Variants in C17orf99 observed in about 807,000 individuals in gnomAD.
C17orf99 encodes the protein chromosome 17 open reading frame 99.
In C17orf99, 18 loss-of-function variants were observed where a neutral mutation model predicts 22.6. The ratio of observed to expected loss-of-function variants is 0.80; its 90% CI spans 0.55 to 1.18. The LOEUF (loss-of-function observed/expected upper bound fraction) is 1.18, where lower values mean the gene tolerates loss of function less well. C17orf99 is among the 50% of genes most tolerant of loss of function. The pLI is 0.00. For synonymous variants in C17orf99, 147 were observed against 136.6 expected (o/e 1.08, Z -0.53); for missense variants, 328 against 342.7 (o/e 0.96, Z 0.34).
At chr17:78,164,830 G>C (rs2075606291) in intron 4 of C17orf99, 1 of 1,211,862 alleles carries the variant, frequency 8.3e-7, no homozygotes, top group Non-Finnish European at 1.0e-6. Flanking sequence ...GTGTTTATGA[G>C]GACCTACTGT....
In C17orf99 at chr17:78,165,247, G is replaced by A. The variant is rs141653984; in HGVS notation, c.641-642G>A. 1.1e-4 allele frequency: 113 copies of A among 988,340 alleles called. No individual in the cohort carries two copies. In the East Asian group the frequency reaches 0.011, roughly 99 times the overall value. 61.2% of individuals were successfully genotyped at this position (988,340 alleles called of 1,614,324 possible). A position where few individuals can be genotyped will look rare whatever the true frequency, so the allele number is the denominator to read the frequency against. ...TGTGAACTCATCTCTCTTTGTTTGG[G>A]AGACACTGCCGTGTCCTGGTTCTCA... On this transcript the variant is annotated intron_variant, in intron 4 of 4. Coordinates refer to ENST00000340363, the MANE Select transcript of C17orf99 (RefSeq NM_001163075.2).
intron 2 of C17orf99, among the ~76,000 whole-genome samples, chr17:78,148,932 T>C (rs2075456488): frequency 6.6e-6 from 1 of 151,962 alleles, no homozygotes; most frequent in South Asian, 2.1e-4. Flanking sequence ...GAGGAGAGAC[T>C]GGGCAATGCG....
intron 2 of C17orf99, chr17:78,160,006 G>C: frequency 2.2e-6 from 1 of 449,164 alleles, no homozygotes; most frequent in Non-Finnish European, 4.5e-6. Context: ...TTTGGCTGTG[G>C]TGAATCACGC....
chr17:78,154,839 C>A (rs771667860), intron 2 of C17orf99, among the ~76,000 whole-genome samples: 1 of 151,614 alleles, frequency 6.6e-6, no homozygotes, highest in Non-Finnish European at 1.5e-5. Context: ...GAGACTCCAT[C>A]TCAAAAATAA....
chr17:78,157,188 G>T (rs1323595919), intron 2 of C17orf99, among the ~76,000 whole-genome samples: 1 of 151,914 alleles, frequency 6.6e-6, no homozygotes, highest in Admixed American at 6.6e-5. Context: ...AACTTAGGCC[G>T]GGCACGGTGG....
chr17:78,151,123 A>G (rs2075479069), intron 2 of C17orf99, among the ~76,000 whole-genome samples: 1 of 150,396 alleles, frequency 6.6e-6, no homozygotes, highest in African/African-American at 2.5e-5. Flanking sequence ...ACTCTGTCTC[A>G]CAAAAACAAA....
intron 2 of C17orf99, among the ~76,000 whole-genome samples, chr17:78,159,327 A>G (rs185179313): frequency 3.0e-4 from 45 of 151,562 alleles, no homozygotes; most frequent in African/African-American, 1.0e-3. Context: ...ACAGAGCAAG[A>G]CTCTGTCTTT....
rs1414932585 is a variant in C17orf99 at position 78,166,286 on chromosome 17, T to C, written c.*240T>C. The C allele has an allele frequency of 3.0e-6, 1 of 329,064 alleles. No homozygotes were observed. Among genetic ancestry groups the C allele is most frequent in the Non-Finnish European group, 5.4e-6 (1 of 183,772 alleles). The allele number at this position is 329,064 out of a possible 1,614,324, so 20.4% of individuals were successfully genotyped here. ...ATCATATCAGGTTGTCTACCTTAAA[T>C]ATACACAAAAACATTTATTTAAAAA... On this transcript the variant is annotated 3_prime_UTR_variant, in exon 5 of 5. Coordinates refer to ENST00000340363, the MANE Select transcript of C17orf99 (RefSeq NM_001163075.2).
At chr17:78,152,987 C>T (rs558805859) in intron 2 of C17orf99, among the ~76,000 whole-genome samples, 3 of 151,440 alleles carry the variant, frequency 2.0e-5, no homozygotes, top group African/African-American at 4.9e-5. Flanking sequence ...GAGGGTGAGG[C>T]GGAGAATCAC....
chr17:78,148,621 CA>C (rs1315932025), intron 2 of C17orf99, among the ~76,000 whole-genome samples: 1 of 152,078 alleles, frequency 6.6e-6, no homozygotes, highest in Non-Finnish European at 1.5e-5. Context: ...GCAGCATTTG[CA>C]GGGGAGGGTG....
chr17:78,149,378 C>T (rs570753922), intron 2 of C17orf99, among the ~76,000 whole-genome samples: 1 of 149,374 alleles, frequency 6.7e-6, no homozygotes, highest in South Asian at 2.1e-4. Context: ...AGTCCTTGGC[C>T]CATCTGGAAG....
chr17:78,162,011 C>T (rs570235277), intron 3 of C17orf99, among the ~76,000 whole-genome samples: 15 of 152,010 alleles, frequency 9.9e-5, no homozygotes, highest in South Asian at 6.2e-4. Flanking sequence ...TGTGGTGGCT[C>T]ACGCCTATAA....
intron 2 of C17orf99, among the ~76,000 whole-genome samples, chr17:78,158,372 A>G (rs538873808): frequency 6.6e-6 from 1 of 151,472 alleles, no homozygotes; most frequent in African/African-American, 2.4e-5. Context: ...TCGGCTCACT[A>G]CAAGCTCCAC....
At position 78,146,710 on chromosome 17, in the gene C17orf99, A is replaced by G; in HGVS notation, c.38-169A>G. ...GGATGAGAGGCGATGTTGTGGGGGGAGGGGCGCAAAAGAGCTTTTGTGAGT... is the reference window on the plus strand; with the variant it reads ...GGATGAGAGGCGATGTTGTGGGGGGGGGGGCGCAAAAGAGCTTTTGTGAGT... On this transcript the variant is annotated intron_variant, in intron 1 of 4. Coordinates refer to ENST00000340363, the MANE Select transcript of C17orf99 (RefSeq NM_001163075.2). The surrounding 1 kb of genome is among the most constrained non-coding windows in gnomAD (Gnocchi z 5.2). 7.4e-6 allele frequency: 5 copies of G among 679,108 alleles called. No individual in the cohort carries two copies. The highest frequency in any genetic ancestry group is 5.1e-5 in the Admixed American group (2 of 39,268). 42.1% of individuals were successfully genotyped at this position (679,108 alleles called of 1,614,324 possible).
At position 78,146,942 on chromosome 17, in the gene C17orf99, TC is replaced by T; in HGVS notation, c.70+36del. The T allele has an allele frequency of 6.5e-7, 1 of 1,547,520 alleles. No individual in the cohort carries two copies. The highest frequency in any genetic ancestry group is 2.4e-5 in the East Asian group (1 of 40,858). On this transcript the variant is annotated intron_variant, in intron 2 of 4. Coordinates refer to ENST00000340363, the MANE Select transcript of C17orf99 (RefSeq NM_001163075.2). This position sits in a 1 kb window ranked among gnomAD's most constrained non-coding sequence, Gnocchi z 5.2. ...TGGCATAGCCTGCTGCAGGGAGAAG[TC>T]CCCCAGCTGGGACCCTGGTGTCAGA...
chr17:78,150,491 A>G (rs1480715469), intron 2 of C17orf99, among the ~76,000 whole-genome samples: 1 of 152,202 alleles, frequency 6.6e-6, no homozygotes, highest in Non-Finnish European at 1.5e-5. Context: ...TAAGCATGGT[A>G]GGAACCATGG....
At chr17:78,158,054 G>A in intron 2 of C17orf99, 1 of 1,321,714 alleles carries the variant, frequency 7.6e-7, no homozygotes, top group South Asian at 1.2e-5. Flanking sequence ...ACTGCTCCAG[G>A]ACAGCATGGA....
intron 2 of C17orf99, among the ~76,000 whole-genome samples, chr17:78,153,775 G>A (rs2075503880): frequency 6.6e-6 from 1 of 152,076 alleles, no homozygotes; most frequent in South Asian, 2.1e-4. Context: ...GGCCCTGAGG[G>A]TCAAATTGAC....
At chr17:78,155,236 C>A (rs1298228865) in intron 2 of C17orf99, among the ~76,000 whole-genome samples, 1 of 151,338 alleles carries the variant, frequency 6.6e-6, no homozygotes, top group Non-Finnish European at 1.5e-5. Context: ...CCCCTGGAGG[C>A]AAAATTGCTC....
Sources: gnomAD v4.1 joint callset for allele counts (sites outside exome capture counted in the v4.1 genomes callset) on GRCh38, gnomAD v4.1.1 for gene constraint, Gnocchi (gnomAD v3.1) non-coding constraint, MANE v1.5 for transcripts, NCBI Gene and HGNC (gene_info 2026-07-23, HGNC 2026-07-21) for gene names.